GPR39: variants seen among roughly 807,000 people sequenced by gnomAD.
GPR39 encodes G protein-coupled receptor 39, also known as zinc sensing receptor.
GPR39 carries 23 observed loss-of-function variants against 18.4 expected under a neutral mutation model. The observed-to-expected ratio is 1.25, with a 90% CI of 0.90 to 1.77. The LOEUF (loss-of-function observed/expected upper bound fraction) is 1.77, where lower values mean the gene tolerates loss of function less well. Among genes scored for constraint, GPR39 ranks in the 40% most tolerant of loss-of-function variants. The pLI is 0.00. For synonymous variants in GPR39, 280 were observed against 257.9 expected, an observed-to-expected ratio of 1.09 and a Z score of -0.82; for missense variants, 647 against 602.4, an observed-to-expected ratio of 1.07 and a Z score of -0.78.
chr2:132,547,071 G>T (rs753900330), intron 1 of GPR39, among the ~76,000 whole-genome samples: 1 of 151,994 alleles, frequency 6.6e-6, no homozygotes, highest in Non-Finnish European at 1.5e-5. Flanking sequence ...AAGCCGCACC[G>T]ACAGAGGGTC....
Position 132,615,934 on chromosome 2 carries a change from C to G in GPR39, c.857-29167C>G, listed in dbSNP as rs558491179. On this transcript the variant is annotated intron_variant, in intron 1 of 1. Coordinates refer to ENST00000329321, the MANE Select transcript of GPR39 (RefSeq NM_001508.3). ...CCTGGCTTGTCTCACCCCATTCCAG[C>G]TCTTTTTTTTTTTTTTTTTTGGACC... is the stretch of plus-strand genomic sequence containing the variant. 1.9e-4 allele frequency among the ~76,000 whole-genome samples: 21 copies of G among 109,594 alleles called. No homozygotes were observed. In the East Asian group the frequency reaches 6.2e-3, roughly 32 times the overall value. The allele number at this position is 109,594 out of a possible 152,430, so 71.9% of individuals were successfully genotyped here. A position where few individuals can be genotyped will look rare whatever the true frequency, so the allele number is the denominator to read the frequency against.
chr2:132,522,655 G>A (rs546680443), intron 1 of GPR39, among the ~76,000 whole-genome samples: 2 of 152,144 alleles, frequency 1.3e-5, no homozygotes, highest in Non-Finnish European at 2.9e-5. Flanking sequence ...CCCATAATTT[G>A]GCCCTGGGTA....
At chr2:132,492,528 C>CATATATATACACT (rs1681499532) in intron 1 of GPR39, among the ~76,000 whole-genome samples, 1 of 129,186 alleles carries the variant, frequency 7.7e-6, no homozygotes, top group Admixed American at 8.0e-5. Context: ...ATATATACAC[C>CATATATATACACT]ATATATATAC....
intron 1 of GPR39, among the ~76,000 whole-genome samples, chr2:132,474,623 A>G (rs1280919543): frequency 6.6e-6 from 1 of 152,206 alleles, no homozygotes; most frequent in Non-Finnish European, 1.5e-5. Flanking sequence ...ACCCTAGTCA[A>G]CTGCCCATCT....
At chr2:132,471,694 C>T (rs1681035370) in intron 1 of GPR39, among the ~76,000 whole-genome samples, 1 of 148,528 alleles carries the variant, frequency 6.7e-6, no homozygotes, top group Non-Finnish European at 1.5e-5. Context: ...GTTGCCTTAA[C>T]TTCACTTTCA....
intron 1 of GPR39, among the ~76,000 whole-genome samples, chr2:132,475,051 C>T (rs1475760941): frequency 6.6e-6 from 1 of 152,146 alleles, no homozygotes; most frequent in African/African-American, 2.4e-5. Flanking sequence ...AATATCTTCA[C>T]CCAATTTACT....
At chr2:132,504,744 A>T (rs1679103592) in intron 1 of GPR39, among the ~76,000 whole-genome samples, 1 of 152,086 alleles carries the variant, frequency 6.6e-6, no homozygotes, top group Non-Finnish European at 1.5e-5. Context: ...CCATCTGGTG[A>T]CTCTCTGTCA....
At chr2:132,607,943 G>C (rs912811005) in intron 1 of GPR39, among the ~76,000 whole-genome samples, 1 of 152,136 alleles carries the variant, frequency 6.6e-6, no homozygotes, top group Non-Finnish European at 1.5e-5. Context: ...TTAAAACCCA[G>C]AAATAGCTAG....
chr2:132,589,584 G>A (rs572642824), intron 1 of GPR39, among the ~76,000 whole-genome samples: 6 of 152,318 alleles, frequency 3.9e-5, no homozygotes, highest in South Asian at 2.1e-4. Context: ...ATTAGAGAGC[G>A]TCTGGGCTGT....
intron 1 of GPR39, among the ~76,000 whole-genome samples, chr2:132,485,268 T>A (rs940474121): frequency 3.3e-5 from 5 of 152,312 alleles, no homozygotes; most frequent in African/African-American, 1.2e-4. Flanking sequence ...CTAATGATCA[T>A]CTGAGCCATC....
chr2:132,454,605 A>G (rs1680686337), intron 1 of GPR39, among the ~76,000 whole-genome samples: 1 of 152,120 alleles, frequency 6.6e-6, no homozygotes, highest in Non-Finnish European at 1.5e-5. Flanking sequence ...TCAGTATGAT[A>G]TTGGTTGTGG....
chr2:132,471,735 T>C (rs6734421), intron 1 of GPR39, among the ~76,000 whole-genome samples: 41,597 of 151,648 alleles, frequency 0.27, 6,391 homozygotes, highest in African/African-American at 0.41. Flanking sequence ...GTCAGTCAGA[T>C]TGACTCTGGG....
chr2:132,545,314 C>T (rs1426224620), intron 1 of GPR39, among the ~76,000 whole-genome samples: 1 of 152,184 alleles, frequency 6.6e-6, no homozygotes, highest in African/African-American at 2.4e-5. Context: ...AGAAATTAGC[C>T]AGGCAGTCCA....
chr2:132,459,795 T>G (rs962848660), intron 1 of GPR39, among the ~76,000 whole-genome samples: 24 of 152,228 alleles, frequency 1.6e-4, no homozygotes, highest in Admixed American at 1.3e-3. Flanking sequence ...TGTGGGTAAG[T>G]GCCCTCTTGA....
chr2:132,505,359 G>A lies in GPR39; in HGVS notation c.856+87461G>A, dbSNP rs148071063. On this transcript the variant is annotated intron_variant, in intron 1 of 1. Transcript: ENST00000329321. ...TAGTGATCAAGTCAGGATATTTAGG[G>A]TGCCCACCACCTGGGGAAGTTATCA... Among the ~76,000 whole-genome samples the A allele has an allele frequency of 9.2e-5, 14 of 152,178 alleles. No individual in the cohort carries two copies. The East Asian group carries it at 2.7e-3, about 29-fold the overall frequency.
At chr2:132,626,417 G>A (rs1435905728) in intron 1 of GPR39, among the ~76,000 whole-genome samples, 1 of 152,152 alleles carries the variant, frequency 6.6e-6, no homozygotes, top group East Asian at 1.9e-4. Flanking sequence ...GAGATAATAA[G>A]GCTGCACTAC....
At chr2:132,574,635 C>T (rs1573676054) in intron 1 of GPR39, among the ~76,000 whole-genome samples, 2 of 151,968 alleles carry the variant, frequency 1.3e-5, no homozygotes, top group Admixed American at 1.3e-4. Flanking sequence ...CTCAGGTGGC[C>T]AAGGCACGAG....
At chr2:132,420,617 C>T (rs769935922) in intron 1 of GPR39, among the ~76,000 whole-genome samples, 73 of 151,990 alleles carry the variant, frequency 4.8e-4, no homozygotes, top group African/African-American at 1.6e-3. Context: ...ATGTAAATGG[C>T]GACATATCAC....
At chr2:132,485,115 T>A (rs1681305976) in intron 1 of GPR39, among the ~76,000 whole-genome samples, 1 of 152,192 alleles carries the variant, frequency 6.6e-6, no homozygotes, top group Non-Finnish European at 1.5e-5. Context: ...AGAAAGCAAA[T>A]GTTGAAATTA....
Sources: allele counts gnomAD v4.1 joint callset (sites outside exome capture counted in the v4.1 genomes callset), GRCh38; gene constraint gnomAD v4.1.1; transcripts MANE v1.5; gene names NCBI Gene and HGNC (gene_info 2026-07-23, HGNC 2026-07-21).